Variants in SLC22A9 observed in about 807,000 individuals in gnomAD.
SLC22A9 encodes organic anion transporter 7.
In SLC22A9, 64 loss-of-function variants were observed where a neutral mutation model predicts 50.1. The observed-to-expected ratio is 1.28, with a 90% CI of 1.04 to 1.57. The LOEUF (loss-of-function observed/expected upper bound fraction) is 1.57, where lower values mean the gene tolerates loss of function less well. Ranked by LOEUF, SLC22A9 falls within the 40% of genes most tolerant of loss-of-function variation. The pLI is 0.00. For missense variants in SLC22A9, 757 were observed against 676.1 expected (o/e 1.12, Z -1.33); for synonymous variants, 261 against 242.5 (o/e 1.08, Z -0.71).
Position 63,369,976 on chromosome 11 carries a change from G to A in SLC22A9, c.-81G>A. The A allele has an allele frequency of 7.2e-7, 1 of 1,395,862 alleles. No homozygotes were observed. Among genetic ancestry groups the A allele is most frequent in the South Asian group, 1.4e-5 (1 of 72,888 alleles). 86.5% of individuals were successfully genotyped at this position (1,395,862 alleles called of 1,614,324 possible). A position where few individuals can be genotyped will look rare whatever the true frequency, so the allele number is the denominator to read the frequency against. ...TCAAAACACATTTAGTGTGACTTAG[G>A]GAAAGAAAACATTTTCCCTCTTTGA... is the stretch of plus-strand genomic sequence containing the variant. On this transcript the variant is annotated 5_prime_UTR_variant, in exon 1 of 10. Transcript: ENST00000279178.
intron 2 of SLC22A9, 97 bp downstream of exon 2, chr11:63,371,335 C>T (rs145250867): frequency 3.0e-6 from 3 of 985,872 alleles, no homozygotes; most frequent in Non-Finnish European, 4.5e-6. Context: ...ATTACATTCT[C>T]CTGAGGCTGC....
In SLC22A9 at chr11:63,373,167, A is replaced by C. The variant is rs115720452; in HGVS notation, c.507-477A>C. 2.3e-3 allele frequency among the ~76,000 whole-genome samples: 328 copies of C among 141,216 alleles called. 1 individual carries two copies. The highest frequency in any genetic ancestry group is 7.7e-3 in the African/African-American group (292 of 37,986). 92.6% of individuals were successfully genotyped at this position (141,216 alleles called of 152,430 possible). On this transcript the variant is annotated intron_variant, in intron 2 of 9. Transcript: ENST00000279178. Reference sequence around the variant, plus strand: ...TTTTTGCCCTCCCCTGCAACACTTCAACAACTTTGATGTATTGTTCTATGG... The same window carrying C: ...TTTTTGCCCTCCCCTGCAACACTTCCACAACTTTGATGTATTGTTCTATGG...
At chr11:63,377,321 A>G (rs1019602159) in intron 5 of SLC22A9, among the ~76,000 whole-genome samples, 6 of 152,026 alleles carry the variant, frequency 3.9e-5, no homozygotes, top group African/African-American at 1.2e-4. Context: ...CAGCAAATTC[A>G]AAAAGAAAGA....
chr11:63,409,978 C>A lies in SLC22A9; in HGVS notation c.*116C>A. On this transcript the variant is annotated 3_prime_UTR_variant, in exon 10 of 10. Coordinates refer to ENST00000279178, the MANE Select transcript of SLC22A9 (RefSeq NM_080866.3). Reference sequence around the variant, plus strand: ...TAACAAGGCTGGGTGCGGTGGCTCACGCCTGTAATCCCAGCACCTTGGGAG... The same window carrying A: ...TAACAAGGCTGGGTGCGGTGGCTCAAGCCTGTAATCCCAGCACCTTGGGAG... The A allele has an allele frequency of 1.8e-6, 2 of 1,127,742 alleles. No individual in the cohort carries two copies. The highest frequency in any genetic ancestry group is 1.4e-5 in the South Asian group (1 of 73,778). The allele number at this position is 1,127,742 out of a possible 1,614,324, so 69.9% of individuals were successfully genotyped here.
chr11:63,373,577 T>C, intron 2 of SLC22A9, 67 bp from the exon 3 acceptor site: 1 of 1,431,830 alleles, frequency 7.0e-7, no homozygotes, highest in Admixed American at 2.7e-5. Flanking sequence ...AAAGTGTGCC[T>C]TCTCTTTGCT....
intron 9 of SLC22A9, 103 bp from the exon 10 acceptor site, chr11:63,409,699 T>A (rs908094594): frequency 4.8e-5 from 58 of 1,203,534 alleles, no homozygotes; most frequent in Non-Finnish European, 6.5e-5. Flanking sequence ...ACCAAACTAA[T>A]GGACAAAGAA....
chr11:63,394,024 T>G (rs949493452), intron 6 of SLC22A9, among the ~76,000 whole-genome samples: 1 of 152,208 alleles, frequency 6.6e-6, no homozygotes, highest in Non-Finnish European at 1.5e-5. Flanking sequence ...CTTGTCTTCA[T>G]GCTTTATTTC....
chr11:63,405,062 C>T (rs541694642), intron 6 of SLC22A9, among the ~76,000 whole-genome samples: 1 of 152,154 alleles, frequency 6.6e-6, no homozygotes, highest in East Asian at 1.9e-4. Flanking sequence ...GAAATCACCA[C>T]TACAGGACTT....
chr11:63,369,898 C>A lies in SLC22A9; in HGVS notation c.-159C>A, dbSNP rs750166044. ...AAACGACTTGAGGAAACTGTTTCCACGGTCCTGCTGCAGAGGGGAAGCACA... is the reference window on the plus strand; with the variant it reads ...AAACGACTTGAGGAAACTGTTTCCAAGGTCCTGCTGCAGAGGGGAAGCACA... On this transcript the variant is annotated 5_prime_UTR_variant, in exon 1 of 10. Coordinates refer to ENST00000279178, the MANE Select transcript of SLC22A9 (RefSeq NM_080866.3). The A allele has an allele frequency of 3.9e-5, 26 of 664,540 alleles. 4 individuals carry two copies. The Admixed American group carries it at 6.8e-4, about 17-fold the overall frequency. The allele number at this position is 664,540 out of a possible 1,614,324, so 41.2% of individuals were successfully genotyped here.
At chr11:63,402,454 C>T (rs1436068083) in intron 6 of SLC22A9, among the ~76,000 whole-genome samples, 1 of 151,984 alleles carries the variant, frequency 6.6e-6, no homozygotes, top group African/African-American at 2.4e-5. Context: ...TATCTAATGA[C>T]TGTGTTGCAT....
chr11:63,370,936 A>T (rs1245033971), intron 1 of SLC22A9, among the ~76,000 whole-genome samples, 199 bp from the exon 2 acceptor site: 2 of 152,214 alleles, frequency 1.3e-5, no homozygotes, highest in African/African-American at 2.4e-5. Flanking sequence ...AAAAACCTAT[A>T]GGTTTAGGAA....
At chr11:63,396,932 C>T (rs974049641) in intron 6 of SLC22A9, among the ~76,000 whole-genome samples, 38 of 152,160 alleles carry the variant, frequency 2.5e-4, no homozygotes, top group African/African-American at 8.9e-4. Context: ...TGTGGATGTT[C>T]ATCAGTGTCT....
intron 4 of SLC22A9, among the ~76,000 whole-genome samples, chr11:63,375,126 GT>G (rs2014438173): frequency 6.6e-6 from 1 of 152,108 alleles, no homozygotes; most frequent in Non-Finnish European, 1.5e-5. Flanking sequence ...GCCCTACAAG[GT>G]AATATTCTCT....
chr11:63,406,840 C>A, intron 7 of SLC22A9, 129 bp downstream of exon 7: 1 of 1,058,988 alleles, frequency 9.4e-7, no homozygotes, highest in Admixed American at 2.8e-5. Context: ...TGACACCAAT[C>A]TGGGGATTTG....
At chr11:63,399,626 A>G (rs1170105693) in intron 6 of SLC22A9, among the ~76,000 whole-genome samples, 1 of 152,208 alleles carries the variant, frequency 6.6e-6, no homozygotes, top group Admixed American at 6.5e-5. Context: ...AACATTCTGC[A>G]TTGATAAGTT....
chr11:63,400,734 C>T (rs190335482), intron 6 of SLC22A9, among the ~76,000 whole-genome samples: 4 of 152,106 alleles, frequency 2.6e-5, no homozygotes, highest in South Asian at 4.2e-4. Flanking sequence ...CACTGATGAA[C>T]ATAGATGTAA....
intron 6 of SLC22A9, among the ~76,000 whole-genome samples, chr11:63,405,410 G>A (rs1356931210): frequency 2.0e-5 from 3 of 152,134 alleles, no homozygotes; most frequent in South Asian, 2.1e-4. Flanking sequence ...CAAAATGAAC[G>A]ATGAGACAAC....
intron 6 of SLC22A9, among the ~76,000 whole-genome samples, chr11:63,397,428 T>C (rs540922978): frequency 3.5e-4 from 53 of 152,108 alleles, no homozygotes; most frequent in Non-Finnish European, 2.5e-4. Flanking sequence ...CAGTCAGCAG[T>C]TGTCAAAGCT....
At chr11:63,394,702 T>G (rs2014821316) in intron 6 of SLC22A9, among the ~76,000 whole-genome samples, 1 of 152,192 alleles carries the variant, frequency 6.6e-6, no homozygotes, top group African/African-American at 2.4e-5. Flanking sequence ...ACAATGTGCC[T>G]AGGCGATTAT....
Sources: gnomAD v4.1 joint callset for allele counts (sites outside exome capture counted in the v4.1 genomes callset) on GRCh38, gnomAD v4.1.1 for gene constraint, MANE v1.5 for transcripts, NCBI Gene and HGNC (gene_info 2026-07-23, HGNC 2026-07-21) for gene names.